The following FMN1 variants were observed in gnomAD, a reference collection of about 807,000 sequenced individuals.
FMN1 encodes formin-1.
FMN1 carries 110 observed loss-of-function variants against 132.4 expected under a neutral mutation model. The ratio of observed to expected loss-of-function variants is 0.83; its 90% CI spans 0.71 to 0.97. The LOEUF is 0.97. FMN1 is among the 50% of genes least tolerant of loss of function. The pLI, the probability that FMN1 is intolerant of heterozygous loss-of-function variation, is 0.00. For missense variants in FMN1, 1,792 were observed against 1,705.3 expected, an observed-to-expected ratio of 1.05 and a Z score of -0.90; for synonymous variants, 722 against 651.7, an observed-to-expected ratio of 1.11 and a Z score of -1.64.
chr15:32,905,672 GCT>G (rs1443315078), intron 12 of FMN1, among the ~76,000 whole-genome samples: 1 of 152,188 alleles, frequency 6.6e-6, no homozygotes, highest in Non-Finnish European at 1.5e-5. Flanking sequence ...GCCTCTCCAT[GCT>G]CTGATTTATA....
intron 4 of FMN1, among the ~76,000 whole-genome samples, chr15:33,136,746 G>T (rs777020172): frequency 3.3e-5 from 5 of 152,166 alleles, no homozygotes; most frequent in Non-Finnish European, 7.4e-5. Context: ...TCCCTTAAAT[G>T]ATTTCTGGAA....
intron 5 of FMN1, 139 bp downstream of exon 5, chr15:33,088,660 T>G: frequency 1.3e-6 from 1 of 753,672 alleles, no homozygotes. Flanking sequence ...CTTCATTTTC[T>G]GCAGCCCACT....
At chr15:32,869,795 C>T (rs1302957331) in intron 16 of FMN1, among the ~76,000 whole-genome samples, 1 of 152,088 alleles carries the variant, frequency 6.6e-6, no homozygotes, top group East Asian at 1.9e-4. Context: ...AAAGAAAGAG[C>T]AGTCAGCTCT....
intron 4 of FMN1, among the ~76,000 whole-genome samples, chr15:33,093,660 C>G (rs1338878309): frequency 6.6e-6 from 1 of 152,182 alleles, no homozygotes; most frequent in Non-Finnish European, 1.5e-5. Context: ...ACCCCAGCCT[C>G]TAACTCCTCA....
chr15:33,150,295 G>A lies in FMN1; in HGVS notation c.1867+2753C>T, dbSNP rs1397066050. ...AACTAGAGTTCCTCAAGGTTTGGGG[G>A]AAGACCATACTCCACAAAGGCTTGG... On this transcript the variant is annotated intron_variant, in intron 4 of 20. Transcript: ENST00000616417. 8 of 985,304 alleles carry A rather than the reference G, an allele frequency of 8.1e-6. No individual in the cohort carries two copies. The South Asian group carries it at 3.8e-4, about 46-fold the overall frequency. The allele number at this position is 985,304 out of a possible 1,614,324, so 61.0% of individuals were successfully genotyped here.
intron 5 of FMN1, among the ~76,000 whole-genome samples, chr15:33,082,551 T>C (rs2038524240): frequency 4.6e-5 from 7 of 152,182 alleles, no homozygotes. Flanking sequence ...CAATGGTATC[T>C]TCAGGAAACT....
intron 19 of FMN1, among the ~76,000 whole-genome samples, chr15:32,785,218 A>ATATATATATTTTTTTTT (rs1444523400): frequency 1.8e-4 from 7 of 39,206 alleles, no homozygotes; most frequent in Non-Finnish European, 3.2e-4. Context: ...ATATATATAT[A>ATATATATATTTTTTTTT]TTTTTTTTTT....
At chr15:32,805,837 C>CTAGGGAA (rs1362592342) in intron 17 of FMN1, among the ~76,000 whole-genome samples, 3 of 151,952 alleles carry the variant, frequency 2.0e-5, no homozygotes, top group Admixed American at 6.6e-5. Context: ...TTTTGGCAGT[C>CTAGGGAA]TAGGGAAGCC....
At chr15:33,045,125 C>T (rs917270204) in intron 6 of FMN1, among the ~76,000 whole-genome samples, 28 of 152,380 alleles carry the variant, frequency 1.8e-4, no homozygotes, top group Middle Eastern at 3.4e-3. Context: ...GGTGCCACCG[C>T]ATTCCCTGAT....
intron 9 of FMN1, among the ~76,000 whole-genome samples, chr15:32,951,323 C>T (rs1294692695): frequency 1.3e-5 from 2 of 152,138 alleles, no homozygotes; most frequent in East Asian, 3.9e-4. Flanking sequence ...TAAACTTTTC[C>T]TTGCATTGGG....
chr15:33,084,525 G>A (rs1170752735), intron 5 of FMN1, among the ~76,000 whole-genome samples: 1 of 152,096 alleles, frequency 6.6e-6, no homozygotes, highest in Non-Finnish European at 1.5e-5. Context: ...ATTGAATTGT[G>A]GGACATCTAG....
chr15:32,901,839 A>G, intron 13 of FMN1, 72 bp downstream of exon 13: 3 of 1,338,098 alleles, frequency 2.2e-6, no homozygotes, highest in South Asian at 3.2e-5. Context: ...TAATGGCATT[A>G]AAGTGGTCTC....
intron 9 of FMN1, 73 bp downstream of exon 9, chr15:32,964,016 TACACACACACACACACAC>T (rs374980152): frequency 9.8e-6 from 5 of 508,242 alleles, no homozygotes; most frequent in African/African-American, 2.1e-5. Context: ...GTATATACGA[TACACACACACACACACAC>T]ACACACACAC....
At chr15:32,797,654 C>A (rs1450941980) in intron 19 of FMN1, among the ~76,000 whole-genome samples, 1 of 151,960 alleles carries the variant, frequency 6.6e-6, no homozygotes, top group African/African-American at 2.4e-5. Flanking sequence ...TCCCATGTTC[C>A]CAAAGAAGTA....
chr15:33,016,808 A>T (rs1250681194), intron 6 of FMN1, among the ~76,000 whole-genome samples: 2 of 152,120 alleles, frequency 1.3e-5, no homozygotes, highest in Non-Finnish European at 2.9e-5. Flanking sequence ...CTGATAGTAA[A>T]GGCTTTGACG....
chr15:32,816,691 G>GA (rs5811708), intron 17 of FMN1, among the ~76,000 whole-genome samples: 21,729 of 152,102 alleles, frequency 0.14, 1,902 homozygotes, highest in East Asian at 0.46. Context: ...GGTTCCTGCT[G>GA]AAAAACTGTA....
At chr15:33,048,631 C>CAAAAAAAAAAAAAAAAAAAAAAAAAAAA (rs768997793) in intron 6 of FMN1, among the ~76,000 whole-genome samples, 4 of 43,438 alleles carry the variant, frequency 9.2e-5, no homozygotes, top group African/African-American at 1.5e-4. Context: ...GGCAATTTAC[C>CAAAAAAAAAAAAAAAAAAAAAAAAAAAA]AAAAAAAAAA....
chr15:32,848,051 A>C (rs1292454005), intron 17 of FMN1, among the ~76,000 whole-genome samples: 1 of 152,166 alleles, frequency 6.6e-6, no homozygotes, highest in Non-Finnish European at 1.5e-5. Flanking sequence ...CATATTCATA[A>C]AAGTGTACAT....
At position 32,964,239 on chromosome 15, in the gene FMN1, G is replaced by C. The variant is rs747383038; in HGVS notation, c.3006C>G (p.Thr1002=). The part of the protein sequence containing the change: ...ISDRSQNATP[T]LWDSLEEPDI... ...CAGGTTCTTCTAAGGAGTCCCATAA[G>C]GTTGGTGTAGCATTTTGGCTTAAAA... is the stretch of plus-strand genomic sequence containing the variant. The change falls in exon 9 of 21, where the codon ACC becomes ACG. Residue 1002 remains threonine (T), a synonymous_variant. Coordinates refer to ENST00000616417, the MANE Select transcript of FMN1 (RefSeq NM_001277313.2). 1.2e-6 allele frequency: 2 copies of C among 1,601,984 alleles called. No homozygotes were observed. The highest frequency in any genetic ancestry group is 1.1e-5 in the South Asian group (1 of 88,584).
Sources: gnomAD v4.1 joint callset for allele counts (sites outside exome capture counted in the v4.1 genomes callset) on GRCh38, gnomAD v4.1.1 for gene constraint, MANE v1.5 for transcripts, NCBI Gene and HGNC (gene_info 2026-07-23, HGNC 2026-07-21) for gene names.